Variants in SRP14 observed in about 807,000 individuals in gnomAD.
The protein encoded by SRP14 is signal recognition particle 14 kDa protein.
SRP14 carries 1 observed loss-of-function variant against 16.0 expected under a neutral mutation model. The observed-to-expected ratio is 0.06, with a 90% CI of 0.02 to 0.30. The LOEUF (loss-of-function observed/expected upper bound fraction) is 0.30. Among genes scored for constraint, SRP14 ranks in the 10% least tolerant of loss-of-function variants. The probability of loss-of-function intolerance (pLI) is 1.00; values close to 1 mark genes in which losing one functional copy is unlikely to be tolerated. For missense variants in SRP14, 120 were observed against 163.1 expected, an observed-to-expected ratio of 0.74 and a Z score of 1.44; for synonymous variants, 67 against 60.1, an observed-to-expected ratio of 1.12 and a Z score of -0.53.
chr15:40,036,823 G>T, intron 4 of SRP14, 163 bp downstream of exon 4: 1 of 771,358 alleles, frequency 1.3e-6, no homozygotes, highest in Non-Finnish European at 2.2e-6. Flanking sequence ...AAAGGAAGAC[G>T]GTATTAGCAT....
intron 4 of SRP14, 125 bp downstream of exon 4, chr15:40,036,861 T>C (rs745561744): frequency 8.8e-7 from 1 of 1,138,480 alleles, no homozygotes. Flanking sequence ...CAGCTTTTAC[T>C]TGAAACATAC....
At position 40,036,374 on chromosome 15, in the gene SRP14, G is replaced by GCTGTTGCTGCTGCGGCAGGTGC; in HGVS notation, c.369_370insGCACCTGCCGCAGCAGCAACAG (p.Pro124AlafsTer34). ...GCTGCTGTTGTTGCTGCTGTTGTTGGTGCTGTTGCTGCTGCGGCAGGTGCT... is the reference window on the plus strand; with the variant it reads ...GCTGCTGTTGTTGCTGCTGTTGTTGGCTGTTGCTGCTGCGGCAGGTGCTGCTGTTGCTGCTGCGGCAGGTGCT... On this transcript the variant is annotated frameshift_variant, in exon 5 of 5. Coordinates refer to ENST00000267884, the MANE Select transcript of SRP14 (RefSeq NM_003134.6). LOFTEE classifies it high-confidence loss of function. 1 of 1,612,304 alleles carries GCTGTTGCTGCTGCGGCAGGTGC rather than the reference G, an allele frequency of 6.2e-7. No homozygotes were observed. Among genetic ancestry groups the GCTGTTGCTGCTGCGGCAGGTGC allele is most frequent in the Non-Finnish European group, 8.5e-7 (1 of 1,179,380 alleles).
chr15:40,037,511 T>C (rs1017058939), intron 3 of SRP14, among the ~76,000 whole-genome samples: 16 of 152,306 alleles, frequency 1.1e-4, no homozygotes, highest in East Asian at 5.8e-4. Flanking sequence ...AAATTCTACC[T>C]CTGAAGAACA....
At chr15:40,038,203 G>A in intron 3 of SRP14, 79 bp downstream of exon 3, 1 of 1,163,664 alleles carries the variant, frequency 8.6e-7, no homozygotes, top group Admixed American at 1.9e-5. Flanking sequence ...ACAAATAAAA[G>A]CCTGGTTCAG....
chr15:40,039,136 C>G lies in SRP14; in HGVS notation c.-20G>C. On this transcript the variant is annotated 5_prime_UTR_variant, in exon 1 of 5. Transcript: ENST00000267884. ...CACCATCGCGGCGACGCTGGCTCGA[C>G]TCCCTCCGCTTAAGCCCCTAGCAGT... 3.1e-6 allele frequency: 5 copies of G among 1,607,886 alleles called. No homozygotes were observed. Among genetic ancestry groups the G allele is most frequent in the Non-Finnish European group, 4.2e-6 (5 of 1,178,212 alleles).
chr15:40,037,038 G>C lies in SRP14; in HGVS notation c.211-20C>G. 4 of 1,613,154 alleles carry C rather than the reference G, an allele frequency of 2.5e-6. No individual in the cohort carries two copies. The highest frequency in any genetic ancestry group is 3.4e-6 in the Non-Finnish European group (4 of 1,179,696). On this transcript the variant is annotated intron_variant, in intron 3 of 4. Coordinates refer to ENST00000267884, the MANE Select transcript of SRP14 (RefSeq NM_003134.6). ...GCTCACCTGAAAAAGAAGGAAAAAA[G>C]AGGTCATACCTATTATCCATATAAG...
Position 40,036,982 on chromosome 15 carries a change from T to C in SRP14, c.243+4A>G. 6.2e-7 allele frequency: 1 copy of C among 1,613,718 alleles called. No individual in the cohort carries two copies. Among genetic ancestry groups the C allele is most frequent in the Non-Finnish European group, 8.5e-7 (1 of 1,179,938 alleles). On this transcript the variant is annotated splice_donor_region_variant and intron_variant, in intron 4 of 4. Transcript: ENST00000267884. Reference sequence around the variant, plus strand: ...GGGAAACATAAGGAACACCCAAAACTCACCATCTGAAACTTATTCACTTCC... The same window carrying C: ...GGGAAACATAAGGAACACCCAAAACCCACCATCTGAAACTTATTCACTTCC...
At position 40,038,885 on chromosome 15, in the gene SRP14, A is replaced by G; in HGVS notation, c.88T>C (p.Leu30=). 1.2e-6 allele frequency: 2 copies of G among 1,613,816 alleles called. No individual in the cohort carries two copies. Among genetic ancestry groups the G allele is most frequent in the East Asian group, 4.5e-5 (2 of 44,866 alleles). The change falls in exon 2 of 5, where the codon TTG becomes CTG. Residue 30 remains leucine (L), a synonymous_variant. Transcript: ENST00000267884. ...CCCTCCCGCTGCTTACACTTCTTCA[A>G]GGTGATATAGACGCTGCCCGACGTC... The part of the protein sequence containing the change: ...CRTSGSVYIT[L]KKYDGRTKPI...
chr15:40,038,795 G>C (rs1479700807), intron 2 of SRP14, 81 bp downstream of exon 2: 2 of 1,477,760 alleles, frequency 1.4e-6, no homozygotes, highest in Admixed American at 3.6e-5. Context: ...GGAAGGCGGC[G>C]GTCCGCGGCA....
At chr15:40,037,279 G>GAATAAAAAAAAAAAAAA (rs2035640495) in intron 3 of SRP14, 1 of 566,920 alleles carries the variant, frequency 1.8e-6, no homozygotes, top group Non-Finnish European at 2.2e-6. Flanking sequence ...TCCTTTTGGG[G>GAATAAAAAAAAAAAAAA]AAAAAAAAAA....
intron 3 of SRP14, chr15:40,037,290 A>AAAAAAAAAAAAAAAAAAAC: frequency 7.4e-7 from 1 of 1,360,212 alleles, no homozygotes; most frequent in African/African-American, 1.5e-5. Flanking sequence ...AAAAAAAAAA[A>AAAAAAAAAAAAAAAAAAAC]AAAAGCTTTG....
At chr15:40,036,779 C>T in intron 4 of SRP14, 1 of 656,150 alleles carries the variant, frequency 1.5e-6, no homozygotes, top group East Asian at 2.7e-5. Context: ...CATATATCTA[C>T]AGCCTAAGAC....
In SRP14 at chr15:40,039,123, G is replaced by C. The variant is rs193009291; in HGVS notation, c.-7C>G. 29 of 1,610,816 alleles carry C rather than the reference G, an allele frequency of 1.8e-5. No individual in the cohort carries two copies. The highest frequency in any genetic ancestry group is 3.3e-4 in the Middle Eastern group (2 of 6,060). ...CGCTCTCCAACAACACCATCGCGGC[G>C]ACGCTGGCTCGACTCCCTCCGCTTA... On this transcript the variant is annotated 5_prime_UTR_variant, in exon 1 of 5. Transcript: ENST00000267884.
rs7179904 is a variant in SRP14, at chr15:40,036,517, A to G, written c.244-17T>C. 3,685 of 1,608,176 alleles carry G rather than the reference A, an allele frequency of 2.3e-3. 42 individuals are homozygous for G. The East Asian group carries it at 0.027, about 12-fold the overall frequency. On this transcript the variant is annotated splice_polypyrimidine_tract_variant and intron_variant, in intron 4 of 4. Transcript: ENST00000267884. ...TGAATAAGCCTGAAAGATACAACAG[A>G]GCATACCTTAGTGGGAAGATGTGCA...
Position 40,036,396 on chromosome 15 carries a change from T to C in SRP14, c.348A>G (p.Ala116=). The change falls in exon 5 of 5, where the codon GCA becomes GCG. Residue 116 remains alanine, a synonymous_variant. Coordinates refer to ENST00000267884, the MANE Select transcript of SRP14 (RefSeq NM_003134.6). ...TTGGTGCTGTTGCTGCTGCGGCAGG[T>C]GCTGCTGCTGCTGCTGCTGCTGCTG... is the stretch of plus-strand genomic sequence containing the variant. ...TKAAAAAAAA[A]PAAAATAPTT... 8.9e-7 allele frequency: 1 copy of C among 1,118,006 alleles called. No individual in the cohort carries two copies. 69.3% of individuals were successfully genotyped at this position (1,118,006 alleles called of 1,614,324 possible). A position where few individuals can be genotyped will look rare whatever the true frequency, so the allele number is the denominator to read the frequency against.
rs912193291 is a variant in SRP14 at position 40,038,725 on chromosome 15, C to A, written c.97+151G>T. ...GCTGGGGACTGAGCCAGCTACAATC[C>A]CTACTATTTTCCGGGCCCGAAGCCC... On this transcript the variant is annotated intron_variant, in intron 2 of 4. Transcript: ENST00000267884. 4 of 801,152 alleles carry A rather than the reference C, an allele frequency of 5.0e-6. No homozygotes were observed. In the Admixed American group the frequency reaches 1.0e-4, roughly 20 times the overall value. The allele number at this position is 801,152 out of a possible 1,614,324, so 49.6% of individuals were successfully genotyped here.
intron 2 of SRP14, 22 bp from the exon 3 acceptor site, chr15:40,038,416 G>T: frequency 6.5e-7 from 1 of 1,538,032 alleles, no homozygotes. Flanking sequence ...AATGCATCCT[G>T]GTGAACACGG....
chr15:40,036,614 C>G, intron 4 of SRP14, 114 bp from the exon 5 acceptor site: 1 of 1,014,626 alleles, frequency 9.9e-7, no homozygotes, highest in Non-Finnish European at 1.5e-6. Context: ...AATATAGCAC[C>G]ATTGGACACT....
chr15:40,039,130 G>C lies in SRP14; in HGVS notation c.-14C>G, dbSNP rs749396172. On this transcript the variant is annotated 5_prime_UTR_variant, in exon 1 of 5. Coordinates refer to ENST00000267884, the MANE Select transcript of SRP14 (RefSeq NM_003134.6). ...CAACAACACCATCGCGGCGACGCTG[G>C]CTCGACTCCCTCCGCTTAAGCCCCT... 11 of 1,609,506 alleles carry C rather than the reference G, an allele frequency of 6.8e-6. No homozygotes were observed. The highest frequency in any genetic ancestry group is 2.2e-5 in the East Asian group (1 of 44,760).
Sources: gnomAD v4.1 joint callset for allele counts (sites outside exome capture counted in the v4.1 genomes callset) on GRCh38, gnomAD v4.1.1 for gene constraint, MANE v1.5 for transcripts, NCBI Gene and HGNC (gene_info 2026-07-23, HGNC 2026-07-21) for gene names.